TCTN3: variants seen among roughly 807,000 people sequenced by gnomAD.
The protein encoded by TCTN3 is tectonic family member 3.
In TCTN3, 57 loss-of-function variants were observed where a neutral mutation model predicts 71.3. That is an observed-to-expected ratio of 0.80 (90% CI 0.65 to 1.00). TCTN3 has a LOEUF of 1.00. Among genes scored for constraint, TCTN3 ranks in the 50% least tolerant of loss-of-function variants. The probability of loss-of-function intolerance (pLI) is 0.00; values close to 1 mark genes in which losing one functional copy is unlikely to be tolerated. For synonymous variants in TCTN3, 258 were observed against 267.8 expected (o/e 0.96, Z 0.36); for missense variants, 696 against 719.9 (o/e 0.97, Z 0.38).
chr10:95,682,450 T>G (rs1259174168), intron 12 of TCTN3, among the ~76,000 whole-genome samples: 1 of 151,258 alleles, frequency 6.6e-6, no homozygotes, highest in Non-Finnish European at 1.5e-5. Flanking sequence ...ACCGAGATCA[T>G]GCCACCACAC....
intron 3 of TCTN3, among the ~76,000 whole-genome samples, chr10:95,692,251 G>A (rs1054545936): frequency 2.0e-5 from 3 of 152,132 alleles, no homozygotes; most frequent in African/African-American, 7.2e-5. Flanking sequence ...GCTCACACCT[G>A]TAATCCCAGC....
chr10:95,673,229 T>C (rs2097933516), intron 13 of TCTN3, among the ~76,000 whole-genome samples: 1 of 152,172 alleles, frequency 6.6e-6, no homozygotes, highest in African/African-American at 2.4e-5. Context: ...TCAATGATTT[T>C]TTTGTTTCTT....
chr10:95,688,907 T>C (rs909722056), intron 3 of TCTN3, among the ~76,000 whole-genome samples: 1 of 152,116 alleles, frequency 6.6e-6, no homozygotes, highest in African/African-American at 2.4e-5. Flanking sequence ...GTCTGCTAAA[T>C]TGAAAAAAGA....
intron 13 of TCTN3, among the ~76,000 whole-genome samples, chr10:95,673,469 C>T (rs1335266984): frequency 6.6e-6 from 1 of 151,928 alleles, no homozygotes; most frequent in African/African-American, 2.4e-5. Flanking sequence ...TTTTGAGGTA[C>T]AGATGGTTTT....
Position 95,682,636 on chromosome 10 carries a change from T to A in TCTN3, c.1452+15A>T. The A allele has an allele frequency of 6.2e-7, 1 of 1,606,992 alleles. No homozygotes were observed. The highest frequency in any genetic ancestry group is 8.5e-7 in the Non-Finnish European group (1 of 1,177,638). ...AAAAATGAGTCTTCATCAGAAAGTA[T>A]ATTTCTCTCCTTACTGAAATGCTGC... On this transcript the variant is annotated intron_variant, in intron 12 of 13. Coordinates refer to ENST00000371217, the MANE Select transcript of TCTN3 (RefSeq NM_015631.6).
rs564219945 is a variant in TCTN3, at chr10:95,678,100, C to A, written c.1590+2372G>T. Among the ~76,000 whole-genome samples, 6 of 152,300 alleles carry A rather than the reference C, an allele frequency of 3.9e-5. No individual in the cohort carries two copies. The South Asian group carries it at 1.2e-3, about 32-fold the overall frequency. ...ATATTATAAACTACAAACTTTCAAA[C>A]AGTGTCCAGTGGAGTAGGGAGAAGC... On this transcript the variant is annotated intron_variant, in intron 13 of 13. Coordinates refer to ENST00000371217, the MANE Select transcript of TCTN3 (RefSeq NM_015631.6).
chr10:95,673,419 C>T (rs915121672), intron 13 of TCTN3, among the ~76,000 whole-genome samples: 3 of 152,130 alleles, frequency 2.0e-5, no homozygotes, highest in African/African-American at 7.2e-5. Context: ...CCAGATTCAT[C>T]CAGTTGTCCC....
chr10:95,690,304 C>T (rs1020793192), intron 3 of TCTN3, among the ~76,000 whole-genome samples: 1 of 152,080 alleles, frequency 6.6e-6, no homozygotes, highest in African/African-American at 2.4e-5. Flanking sequence ...TACTAAGCAC[C>T]ATGGGGAAAC....
At position 95,663,979 on chromosome 10, in the gene TCTN3, T is replaced by C; in HGVS notation, c.*88A>G. On this transcript the variant is annotated 3_prime_UTR_variant, in exon 14 of 14. Coordinates refer to ENST00000371217, the MANE Select transcript of TCTN3 (RefSeq NM_015631.6). ...TATTATCCTAAATGCTCTCTGGTCA[T>C]GAGCAGGTGAGGTTCTATTTAGCCA... 1 of 1,030,700 alleles carries C rather than the reference T, an allele frequency of 9.7e-7. No individual in the cohort carries two copies. 63.8% of individuals were successfully genotyped at this position (1,030,700 alleles called of 1,614,324 possible). A position where few individuals can be genotyped will look rare whatever the true frequency, so the allele number is the denominator to read the frequency against.
At chr10:95,676,162 G>A (rs1332024502) in intron 13 of TCTN3, among the ~76,000 whole-genome samples, 2 of 151,684 alleles carry the variant, frequency 1.3e-5, no homozygotes, top group Non-Finnish European at 2.9e-5. Flanking sequence ...CTCTGAAAGT[G>A]TTTTTCAAAT....
Position 95,670,326 on chromosome 10 carries a change from C to T in TCTN3, c.1591-6026G>A, listed in dbSNP as rs560237224. ...GCACTTACTAGGTAACCAGATAATA[C>T]CAAATGTTATTGACCTACTTTATTT... On this transcript the variant is annotated intron_variant, in intron 13 of 13. Transcript: ENST00000371217. 2.0e-4 allele frequency among the ~76,000 whole-genome samples: 30 copies of T among 149,800 alleles called. 1 individual carries two copies. In the South Asian group the frequency reaches 3.4e-3, roughly 17 times the overall value.
At chr10:95,672,179 TTC>T (rs2097932341) in intron 13 of TCTN3, among the ~76,000 whole-genome samples, 1 of 152,092 alleles carries the variant, frequency 6.6e-6, no homozygotes, top group African/African-American at 2.4e-5. Flanking sequence ...TGTGTCTGGC[TTC>T]TTTCACTAAA....
At position 95,684,565 on chromosome 10, in the gene TCTN3, C is replaced by G; in HGVS notation, c.1029G>C (p.Leu343Phe). The G allele has an allele frequency of 6.2e-7, 1 of 1,614,046 alleles. No homozygotes were observed. The change falls in exon 9 of 14, where the codon TTG becomes TTC. Residue 343 changes from leucine (L) to phenylalanine (F), a missense_variant. Transcript: ENST00000371217. The part of the protein sequence containing the change: ...TFGIQKVSVS[L>F]GQTNLTVEPG... Reference sequence around the variant, plus strand: ...GCTCAACAGTCAGGTTGGTTTGTCCCAAACTGACAGAAACTTTCTGGATTC... The same window carrying G: ...GCTCAACAGTCAGGTTGGTTTGTCCGAAACTGACAGAAACTTTCTGGATTC...
chr10:95,683,566 C>A lies in TCTN3; in HGVS notation c.1159G>T (p.Val387Phe), dbSNP rs778106528. The change falls in exon 10 of 14, where the codon GTT becomes TTT. Residue 387 changes from valine (V) to phenylalanine (F), a missense_variant. Coordinates refer to ENST00000371217, the MANE Select transcript of TCTN3 (RefSeq NM_015631.6). ...GTCAGAGCCAAGAGTGGCTTCCCAA[C>A]TATATAGCCAGGATTCCCACTTCTA... ...SPRSGNPGYI[V>F]GKPLLALTDD... The A allele has an allele frequency of 1.2e-6, 2 of 1,614,164 alleles. No individual in the cohort carries two copies. Among genetic ancestry groups the A allele is most frequent in the Non-Finnish European group, 1.7e-6 (2 of 1,180,030 alleles).
intron 13 of TCTN3, among the ~76,000 whole-genome samples, chr10:95,676,538 A>C (rs1373797548): frequency 2.0e-5 from 3 of 152,086 alleles, no homozygotes; most frequent in African/African-American, 7.2e-5. Flanking sequence ...TGATACTGAA[A>C]ATCACAAATT....
chr10:95,677,487 T>G (rs7072497), intron 13 of TCTN3, among the ~76,000 whole-genome samples: 4 of 79,490 alleles, frequency 5.0e-5, no homozygotes, highest in Admixed American at 1.1e-4. Flanking sequence ...TTTTTTGTTT[T>G]TTTTTTTTTT....
chr10:95,675,079 G>A (rs1056526055), intron 13 of TCTN3, among the ~76,000 whole-genome samples: 6 of 152,142 alleles, frequency 3.9e-5, no homozygotes, highest in Non-Finnish European at 7.4e-5. Flanking sequence ...ATCAGGGAGA[G>A]ATTTCAAGTG....
intron 13 of TCTN3, among the ~76,000 whole-genome samples, chr10:95,675,876 G>A (rs1016553196): frequency 1.3e-5 from 2 of 152,158 alleles, no homozygotes; most frequent in African/African-American, 4.8e-5. Flanking sequence ...GATTGTGGCA[G>A]AGGTTCTTAG....
chr10:95,682,744 C>T lies in TCTN3; in HGVS notation c.1359G>A (p.Arg453=), dbSNP rs544137314. 6.8e-6 allele frequency: 11 copies of T among 1,614,136 alleles called. No individual in the cohort carries two copies. The African/African-American group carries it at 1.3e-4, about 20-fold the overall frequency. The part of the protein sequence containing the change: ...QQEIYQTLHG[R]PRPEYVAIFG... ...AGATGGCAACATACTCTGGTCTGGG[C>T]CTTCCATGAAGAGTCTGATAAATCT... The change falls in exon 12 of 14, where the codon AGG becomes AGA. Residue 453 remains arginine, a synonymous_variant. Coordinates refer to ENST00000371217, the MANE Select transcript of TCTN3 (RefSeq NM_015631.6).
Sources: gnomAD v4.1 joint callset for allele counts (sites outside exome capture counted in the v4.1 genomes callset) on GRCh38, gnomAD v4.1.1 for gene constraint, MANE v1.5 for transcripts, NCBI Gene and HGNC (gene_info 2026-07-23, HGNC 2026-07-21) for gene names.